Variants in SENP1 observed in about 807,000 individuals in gnomAD.
SENP1 encodes the protein sentrin-specific protease 1.
In SENP1, 21 loss-of-function variants were observed where a neutral mutation model predicts 93.0. That is an observed-to-expected ratio of 0.23 (90% CI 0.16 to 0.33). The LOEUF (loss-of-function observed/expected upper bound fraction) is 0.33, where lower values mean the gene tolerates loss of function less well. SENP1 is among the 10% of genes least tolerant of loss of function. The pLI, the probability that SENP1 is intolerant of heterozygous loss-of-function variation, is 1.00. For missense variants in SENP1, 591 were observed against 758.7 expected (o/e 0.78, Z 2.60); for synonymous variants, 256 against 259.6 (o/e 0.99, Z 0.13).
chr12:48,105,961 C>T (rs1164149924), intron 1 of SENP1, 67 bp downstream of exon 1: 6 of 697,044 alleles, frequency 8.6e-6, no homozygotes, highest in South Asian at 6.0e-5. Flanking sequence ...TGACCGGGTC[C>T]GACACAGTCT....
chr12:48,093,996 A>T (rs1945391027), intron 4 of SENP1, among the ~76,000 whole-genome samples: 1 of 152,186 alleles, frequency 6.6e-6, no homozygotes. Flanking sequence ...GAGTTAAAAA[A>T]GATTACATGT....
rs1592273328 is a variant in SENP1 at position 48,046,373 on chromosome 12, G to T, written c.1855C>A (p.Pro619Thr). The T allele has an allele frequency of 6.2e-7, 1 of 1,612,240 alleles. No individual in the cohort carries two copies. Among genetic ancestry groups the T allele is most frequent in the African/African-American group, 1.3e-5 (1 of 74,836 alleles). ...CAGCTCACCTGTGTGAAGTTGATTG[G>T]TCTGTCTTTGGTAATACAGTCAGCA... ...KYADCITKDR[P>T]INFTQQHMPY... Residue 619 changes from proline (P) to threonine (T), a missense_variant, in exon 17 of 18, where the codon CCA (proline) becomes ACA (threonine). Pro to Thr is a conservative substitution (Grantham distance 38). This residue lies in a region of SENP1 where 132 missense variants were observed against 230.1 expected (regional missense o/e 0.57). Transcript: ENST00000549518.
Position 48,044,182 on chromosome 12 carries a change from A to C in SENP1, c.*1140T>G, listed in dbSNP as rs553491434. On this transcript the variant is annotated 3_prime_UTR_variant, in exon 18 of 18. Transcript: ENST00000549518. ...CCTCTGTAACCTCTACCCATATGGC[A>C]AAGTTCATCCAGGCCTCAAAAATAT... 35 of 152,136 alleles carry C rather than the reference A, an allele frequency of 2.3e-4. No homozygotes were observed. Among genetic ancestry groups the C allele is most frequent in the Admixed American group, 7.9e-4 (12 of 15,218 alleles). 9.4% of individuals were successfully genotyped at this position (152,136 alleles called of 1,614,324 possible).
chr12:48,083,664 C>A lies in SENP1; in HGVS notation c.479G>T (p.Trp160Leu). Residue 160 changes from tryptophan (W) to leucine (L), a missense_variant, in exon 6 of 18, where the codon TGG becomes TTG. By Grantham distance (61) the Trp-to-Leu change is moderately conservative (BLOSUM62 -2). Coordinates refer to ENST00000549518, the MANE Select transcript of SENP1 (RefSeq NM_001267594.2). ...FPIKPVPSPS[W>L]SGSCRRSLLS... ...AAGACTTCGACGACATGAACCACTC[C>A]AAGATGGACTTGGAACAGGTTTAAT... 6.2e-7 allele frequency: 1 copy of A among 1,613,780 alleles called. No homozygotes were observed.
rs765684693 is a variant in SENP1 at position 48,097,965 on chromosome 12, T to C, written c.135+29A>G. ...ACTTATGATGAGCCCAAATAATTAA[T>C]TAATTAAAGGAAGAAAATTGCTCCT... On this transcript the variant is annotated intron_variant, in intron 3 of 17. Transcript: ENST00000549518. The C allele has an allele frequency of 4.4e-6, 7 of 1,597,600 alleles. 1 individual carries two copies. The South Asian group carries it at 7.9e-5, about 18-fold the overall frequency.
intron 13 of SENP1, among the ~76,000 whole-genome samples, chr12:48,063,160 A>C (rs188405999): frequency 6.6e-6 from 1 of 152,290 alleles, no homozygotes; most frequent in Admixed American, 6.5e-5. Context: ...GGAGGTGAAG[A>C]CCGTAACTTC....
At chr12:48,104,913 G>T (rs1049060579) in intron 1 of SENP1, among the ~76,000 whole-genome samples, 1 of 152,168 alleles carries the variant, frequency 6.6e-6, no homozygotes, top group Admixed American at 6.5e-5. Context: ...GACTAGAGAG[G>T]AAAAATAAAG....
chr12:48,078,880 T>A (rs1213408312), intron 6 of SENP1, among the ~76,000 whole-genome samples: 2 of 152,244 alleles, frequency 1.3e-5, no homozygotes, highest in African/African-American at 4.8e-5. Flanking sequence ...TTAAACACAG[T>A]GGCTCACTCC....
intron 6 of SENP1, among the ~76,000 whole-genome samples, chr12:48,076,767 CTAG>C: frequency 6.6e-6 from 1 of 151,616 alleles, no homozygotes; most frequent in Middle Eastern, 3.4e-3. Flanking sequence ...TTCAGCCTCC[CTAG>C]TAGCTGGAAC....
intron 8 of SENP1, 59 bp from the exon 9 acceptor site, chr12:48,071,780 G>T: frequency 8.7e-7 from 1 of 1,142,954 alleles, no homozygotes; most frequent in Non-Finnish European, 1.3e-6. Flanking sequence ...ATACTTTCTA[G>T]ATATCTTAGT....
At chr12:48,101,394 T>C (rs1945925539) in intron 2 of SENP1, 75 bp downstream of exon 2, 1 of 1,151,704 alleles carries the variant, frequency 8.7e-7, no homozygotes, top group South Asian at 1.4e-5. Context: ...CTGAAAATGT[T>C]AGGAAAACCC....
At chr12:48,103,244 A>T (rs1946076182) in intron 1 of SENP1, among the ~76,000 whole-genome samples, 1 of 152,202 alleles carries the variant, frequency 6.6e-6, no homozygotes, top group Admixed American at 6.5e-5. Flanking sequence ...GGAAGCTAGA[A>T]ATTCAAAGAA....
chr12:48,103,878 T>TA lies in SENP1; in HGVS notation c.-45+2149dup, dbSNP rs1946144298. On this transcript the variant is annotated intron_variant, in intron 1 of 17. Transcript: ENST00000549518. ...CCTTACATATATGCAAAAAGGGGAT[T>TA]ATGAAAGACAATGTCTAGGGCTGCA... 2.6e-5 allele frequency among the ~76,000 whole-genome samples: 4 copies of TA among 151,950 alleles called. No homozygotes were observed. In the South Asian group the frequency reaches 8.3e-4, roughly 31 times the overall value.
rs987455032 is a variant in SENP1, at chr12:48,100,967, C to G, written c.4+502G>C. 9.2e-5 allele frequency among the ~76,000 whole-genome samples: 14 copies of G among 152,160 alleles called. No homozygotes were observed. In the East Asian group the frequency reaches 1.5e-3, roughly 17 times the overall value. On this transcript the variant is annotated intron_variant, in intron 2 of 17. Transcript: ENST00000549518. Reference sequence around the variant, plus strand: ...CAATGAGATAATACTCCTAAATGAGCATATAAACAATGTTCTAACCAAAAG... The same window carrying G: ...CAATGAGATAATACTCCTAAATGAGGATATAAACAATGTTCTAACCAAAAG...
intron 6 of SENP1, among the ~76,000 whole-genome samples, chr12:48,082,166 G>C (rs1435884370): frequency 6.6e-6 from 1 of 150,710 alleles, no homozygotes; most frequent in East Asian, 2.0e-4. Flanking sequence ...TGGGATTACA[G>C]GCATGAGCCA....
intron 13 of SENP1, among the ~76,000 whole-genome samples, chr12:48,056,996 T>C (rs537969885): frequency 5.1e-4 from 23 of 44,794 alleles, no homozygotes; most frequent in African/African-American, 4.6e-3. Flanking sequence ...ATAAATATAT[T>C]ATTTAATATA....
rs1394909503 is a variant in SENP1, at chr12:48,043,540, GAAT to G, written c.*1779_*1781del. ...CTGCATGCCACAGCTTTCTAAAAGA[GAAT>G]GTGAAGGTCCCCAGCAACTCATATA... On this transcript the variant is annotated 3_prime_UTR_variant, in exon 18 of 18. Transcript: ENST00000549518. 1 of 152,504 alleles carries G rather than the reference GAAT, an allele frequency of 6.6e-6. No homozygotes were observed. The highest frequency in any genetic ancestry group is 2.4e-5 in the African/African-American group (1 of 41,398). 9.4% of individuals were successfully genotyped at this position (152,504 alleles called of 1,614,324 possible). A position where few individuals can be genotyped will look rare whatever the true frequency, so the allele number is the denominator to read the frequency against.
intron 13 of SENP1, among the ~76,000 whole-genome samples, chr12:48,057,156 T>C (rs1015696679): frequency 7.6e-5 from 8 of 104,882 alleles, no homozygotes; most frequent in African/African-American, 1.1e-4. Flanking sequence ...ATATATTATA[T>C]ATTACATATA....
At chr12:48,104,528 G>A (rs1055893100) in intron 1 of SENP1, among the ~76,000 whole-genome samples, 1 of 151,920 alleles carries the variant, frequency 6.6e-6, no homozygotes, top group South Asian at 2.1e-4. Flanking sequence ...ACACTCTAAC[G>A]CCGTAAACCC....
Sources: gnomAD v4.1 joint callset for allele counts (sites outside exome capture counted in the v4.1 genomes callset) on GRCh38, gnomAD v4.1.1 for gene constraint, gnomAD v4.1.1 regional missense constraint, MANE v1.5 for transcripts, NCBI Gene and HGNC (gene_info 2026-07-23, HGNC 2026-07-21) for gene names.